Variants in MYLK observed in about 807,000 individuals in gnomAD.
MYLK encodes myosin light chain kinase, also known as myosin light chain kinase, smooth muscle.
In MYLK, 106 loss-of-function variants were observed where a neutral mutation model predicts 203.4. The ratio of observed to expected loss-of-function variants is 0.52; its 90% CI spans 0.45 to 0.61. The LOEUF is 0.61. Ranked by LOEUF, MYLK falls within the 20% of genes least tolerant of loss-of-function variation. The pLI is 0.00. For synonymous variants in MYLK, 867 were observed against 959.5 expected, an observed-to-expected ratio of 0.90 and a Z score of 1.78; for missense variants, 2,072 against 2,442.3, an observed-to-expected ratio of 0.85 and a Z score of 3.20.
intron 28 of MYLK, among the ~76,000 whole-genome samples, chr3:123,639,577 T>C (rs1437617517): frequency 2.0e-5 from 3 of 152,194 alleles, no homozygotes; most frequent in Admixed American, 6.5e-5. Context: ...GCAGGCAGAA[T>C]GTGAGCCAGG....
chr3:123,682,213 C>A lies in MYLK; in HGVS notation c.3652+11G>T, dbSNP rs41271437. 1.9e-6 allele frequency: 3 copies of A among 1,590,958 alleles called. No individual in the cohort carries two copies. Among genetic ancestry groups the A allele is most frequent in the South Asian group, 2.3e-5 (2 of 87,226 alleles). ...TCTGCCTCTGCCTGGTGAAGCTGGGCGAGTACTCACTCTCAGTTCCTAGCA... is the reference window on the plus strand; with the variant it reads ...TCTGCCTCTGCCTGGTGAAGCTGGGAGAGTACTCACTCTCAGTTCCTAGCA... On this transcript the variant is annotated intron_variant, in intron 20 of 33. Transcript: ENST00000360304.
At position 123,708,777 on chromosome 3, in the gene MYLK, C is replaced by T. The variant is rs539307414; in HGVS notation, c.2061G>A (p.Pro687=). Residue 687 remains proline, a synonymous_variant, in exon 15 of 34, where the codon CCG becomes CCA. Coordinates refer to ENST00000360304, the MANE Select transcript of MYLK (RefSeq NM_053025.4). The stretch of plus-strand genomic sequence containing the variant: ...CGCAGGTGTACGTGCCCGTGTCCTC[C>T]GGGAACACTTCCTGGATACAAAGGC... ...QHSLCIQEVF[P]EDTGTYTCEA... is the part of the protein sequence containing the mutation. 59 of 1,614,146 alleles carry T rather than the reference C, an allele frequency of 3.7e-5. No individual in the cohort carries two copies. The highest frequency in any genetic ancestry group is 3.3e-4 in the Middle Eastern group (2 of 6,058).
chr3:123,851,822 CAGTTTTCA>C (rs1264000176), intron 2 of MYLK, among the ~76,000 whole-genome samples: 1 of 152,010 alleles, frequency 6.6e-6, no homozygotes, highest in Non-Finnish European at 1.5e-5. Context: ...TGTCTTGTGC[CAGTTTTCA>C]AAAGGAATGC....
intron 4 of MYLK, among the ~76,000 whole-genome samples, chr3:123,755,372 C>T (rs2063329809): frequency 6.6e-6 from 1 of 152,142 alleles, no homozygotes; most frequent in African/African-American, 2.4e-5. Flanking sequence ...TTCTCTTTTC[C>T]TCTCACTTTC....
intron 3 of MYLK, among the ~76,000 whole-genome samples, chr3:123,806,545 T>A (rs1252076196): frequency 6.6e-6 from 1 of 152,218 alleles, no homozygotes; most frequent in Non-Finnish European, 1.5e-5. Context: ...ACTTAGCTAA[T>A]GTTACCAAAA....
chr3:123,626,341 T>C (rs1301797469), intron 31 of MYLK, among the ~76,000 whole-genome samples: 1 of 152,196 alleles, frequency 6.6e-6, no homozygotes, highest in Non-Finnish European at 1.5e-5. Context: ...GGTTACATCA[T>C]TTGCTAAGGA....
rs567029632 is a variant in MYLK, at chr3:123,830,551, A to G, written c.-4+997T>C. Among the ~76,000 whole-genome samples, 243 of 152,270 alleles carry G rather than the reference A, an allele frequency of 1.6e-3. 1 individual carries two copies. Among genetic ancestry groups the G allele is most frequent in the African/African-American group, 5.7e-3 (236 of 41,566 alleles). On this transcript the variant is annotated intron_variant, in intron 3 of 33. Transcript: ENST00000360304. ...TAGCACCATGGGGGAAATTATCAGTATTATTTTTTTGAAATCACAGACCAC... is the reference window on the plus strand; with the variant it reads ...TAGCACCATGGGGGAAATTATCAGTGTTATTTTTTTGAAATCACAGACCAC...
chr3:123,792,982 G>A (rs1251015756), intron 4 of MYLK, among the ~76,000 whole-genome samples: 1 of 152,112 alleles, frequency 6.6e-6, no homozygotes, highest in Non-Finnish European at 1.5e-5. Context: ...CTTACACAAA[G>A]GTAAGGTCCG....
At position 123,722,158 on chromosome 3, in the gene MYLK, C is replaced by T; in HGVS notation, c.1774G>A (p.Val592Met). The T allele has an allele frequency of 6.4e-7, 1 of 1,565,406 alleles. No individual in the cohort carries two copies. The highest frequency in any genetic ancestry group is 8.7e-7 in the Non-Finnish European group (1 of 1,154,734). ...TCLAENALGQ[V>M]SCSAWVTVHE... ...ACGGTGACCCAGGCGCTGCAGGACA[C>T]CTGCCCCAAGGCATTCTCAGCTAGG... Residue 592 changes from valine (V) to methionine (M), a missense_variant, in exon 13 of 34, where the codon GTG becomes ATG. Transcript: ENST00000360304.
intron 2 of MYLK, among the ~76,000 whole-genome samples, chr3:123,838,449 C>T (rs1222449773): frequency 1.3e-5 from 2 of 151,952 alleles, no homozygotes; most frequent in Non-Finnish European, 2.9e-5. Context: ...GAATTTGAAT[C>T]CAAACAAATA....
chr3:123,682,146 GCT>G lies in MYLK; in HGVS notation c.3652+76_3652+77del, dbSNP rs751328314. The G allele has an allele frequency of 5.5e-6, 6 of 1,099,580 alleles. No homozygotes were observed. In the South Asian group the frequency reaches 8.0e-5, roughly 15 times the overall value. The allele number at this position is 1,099,580 out of a possible 1,614,324, so 68.1% of individuals were successfully genotyped here. Reference sequence around the variant, plus strand: ...AAGAGTGAGTGACCAGAAAGTGGGGGCTCTGAGGCTGCCCTCAGTCCCCGGGG... The same window carrying G: ...AAGAGTGAGTGACCAGAAAGTGGGGGCTGAGGCTGCCCTCAGTCCCCGGGG... On this transcript the variant is annotated intron_variant, in intron 20 of 33. Transcript: ENST00000360304.
chr3:123,818,612 T>A (rs760466329), intron 3 of MYLK, among the ~76,000 whole-genome samples: 4 of 151,930 alleles, frequency 2.6e-5, no homozygotes, highest in Non-Finnish European at 4.4e-5. Context: ...ATTGCTTGAG[T>A]CCAGAAGGCA....
intron 29 of MYLK, among the ~76,000 whole-genome samples, chr3:123,635,436 G>A (rs1037039298): frequency 6.6e-6 from 1 of 152,240 alleles, no homozygotes; most frequent in South Asian, 2.1e-4. Flanking sequence ...AAAAGCCCCA[G>A]AGGGCAGTGG....
chr3:123,638,111 C>T lies in MYLK; in HGVS notation c.4921G>A (p.Ala1641Thr), dbSNP rs751502396. 4.3e-6 allele frequency: 7 copies of T among 1,613,980 alleles called. No individual in the cohort carries two copies. Among genetic ancestry groups the T allele is most frequent in the East Asian group, 2.2e-5 (1 of 44,882 alleles). Residue 1641 changes from alanine to threonine, a missense_variant, in exon 29 of 34, where the codon GCC becomes ACC. Coordinates refer to ENST00000360304, the MANE Select transcript of MYLK (RefSeq NM_053025.4). ...EVINYEPIGY[A>T]TDMWSIGVIC... ...ACCCCGATGCTCCACATGTCTGTGG[C>T]GTAGCCGATGGGCTCATAGTTGATC...
intron 2 of MYLK, among the ~76,000 whole-genome samples, chr3:123,870,687 T>C (rs761577437): frequency 6.6e-6 from 1 of 152,252 alleles, no homozygotes; most frequent in Non-Finnish European, 1.5e-5. Context: ...CAAATCCAGC[T>C]TGTTGTCTAT....
chr3:123,620,311 A>G lies in MYLK; in HGVS notation c.5264T>C (p.Ile1755Thr), dbSNP rs759291796. 3.1e-6 allele frequency: 5 copies of G among 1,614,102 alleles called. No individual in the cohort carries two copies. Among genetic ancestry groups the G allele is most frequent in the Non-Finnish European group, 3.4e-6 (4 of 1,180,024 alleles). Residue 1755 changes from isoleucine (I) to threonine (T), a missense_variant, in exon 32 of 34, where the codon ATT becomes ACT. Around this residue, in one of 3 missense-constraint regions of MYLK, gnomAD observed 524 missense variants for 782.4 expected, o/e 0.67. Coordinates refer to ENST00000360304, the MANE Select transcript of MYLK (RefSeq NM_053025.4). The stretch of plus-strand genomic sequence containing the variant: ...CATTGCCATAGAGGACAGTCTTCCA[A>G]TGGCTCTCACAGCATTGCCCGTTTT... ...WQKTGNAVRAIGRLSSMAMIS... is the reference protein window; with the variant it reads ...WQKTGNAVRATGRLSSMAMIS...
At chr3:123,876,451 T>C (rs1313449619) in intron 2 of MYLK, 108 bp downstream of exon 2, 1 of 152,208 alleles carries the variant, frequency 6.6e-6, no homozygotes, top group Non-Finnish European at 1.5e-5. Flanking sequence ...AAATTGTCTA[T>C]ATGAAAGGAA....
At chr3:123,837,894 GA>G (rs1269800832) in intron 2 of MYLK, among the ~76,000 whole-genome samples, 19 of 151,688 alleles carry the variant, frequency 1.3e-4, no homozygotes, top group East Asian at 1.9e-4. Flanking sequence ...AGAGTAGGGG[GA>G]AAAAAAGAAA....
At chr3:123,843,388 A>G (rs572953882) in intron 2 of MYLK, among the ~76,000 whole-genome samples, 2 of 152,286 alleles carry the variant, frequency 1.3e-5, no homozygotes, top group East Asian at 1.9e-4. Context: ...TCCTTCCTCT[A>G]TGAGATAAGA....
Sources: allele counts gnomAD v4.1 joint callset (sites outside exome capture counted in the v4.1 genomes callset), GRCh38; gene constraint gnomAD v4.1.1; regional missense constraint gnomAD v4.1.1; transcripts MANE v1.5; gene names NCBI Gene and HGNC (gene_info 2026-07-23, HGNC 2026-07-21).